Variants in TIAM2 observed in about 807,000 individuals in gnomAD.
TIAM2 encodes TIAM Rac1 associated GEF 2, also known as rho guanine nucleotide exchange factor TIAM2.
Under a neutral mutation model 152.9 loss-of-function variants are expected in TIAM2, and 80 were observed. That is an observed-to-expected ratio of 0.52 (90% CI 0.44 to 0.63). TIAM2 has a LOEUF of 0.63. TIAM2 is among the 30% of genes least tolerant of loss of function. The pLI is 0.00. For missense variants in TIAM2, 1,965 were observed against 2,120.1 expected, an observed-to-expected ratio of 0.93 and a Z score of 1.44; for synonymous variants, 804 against 838.0, an observed-to-expected ratio of 0.96 and a Z score of 0.70.
At position 155,257,193 on chromosome 6, in the gene TIAM2, A is replaced by C. The variant is rs1186958210; in HGVS notation, c.*72A>C. 1.3e-6 allele frequency: 1 copy of C among 790,936 alleles called. No homozygotes were observed. The highest frequency in any genetic ancestry group is 1.3e-4 in the East Asian group (1 of 7,552). The allele number at this position is 790,936 out of a possible 1,614,324, so 49.0% of individuals were successfully genotyped here. A position where few individuals can be genotyped will look rare whatever the true frequency, so the allele number is the denominator to read the frequency against. On this transcript the variant is annotated 3_prime_UTR_variant, in exon 27 of 27. Coordinates refer to ENST00000682666, the MANE Select transcript of TIAM2 (RefSeq NM_012454.4). ...ACTGGTGGTAAAGTGGAAATTGCAA[A>C]AAAAAAAAAAAAAAAAAACTGTTCA...
chr6:155,162,890 A>T (rs551926576), intron 7 of TIAM2, among the ~76,000 whole-genome samples: 1 of 152,348 alleles, frequency 6.6e-6, no homozygotes, highest in East Asian at 1.9e-4. Context: ...TGTTTTGCTG[A>T]CAAATGATGA....
intron 1 of TIAM2, among the ~76,000 whole-genome samples, chr6:155,076,519 AGTAATT>A (rs2114961049): frequency 6.6e-6 from 1 of 152,314 alleles, no homozygotes; most frequent in South Asian, 2.1e-4. Context: ...ATTTAGGCCT[AGTAATT>A]GTAATTTGAT....
rs145629752 is a variant in TIAM2 at position 155,051,392 on chromosome 6, C to T, written c.-208-38897C>T. Among the ~76,000 whole-genome samples the T allele has an allele frequency of 1.3e-3, 195 of 152,296 alleles. 1 individual carries two copies. The highest frequency in any genetic ancestry group is 4.5e-3 in the African/African-American group (187 of 41,548). Reference sequence around the variant, plus strand: ...GCTGGGTGCAGTAGCAGGCCCAATACATTTGTTACTTTGAATCTTTTAAAC... The same window carrying T: ...GCTGGGTGCAGTAGCAGGCCCAATATATTTGTTACTTTGAATCTTTTAAAC... On this transcript the variant is annotated intron_variant, in intron 1 of 26. Transcript: ENST00000682666.
At chr6:155,238,609 T>C (rs1445903465) in intron 15 of TIAM2, among the ~76,000 whole-genome samples, 1 of 152,222 alleles carries the variant, frequency 6.6e-6, no homozygotes, top group Non-Finnish European at 1.5e-5. Flanking sequence ...CTTTGGCACA[T>C]TCTCTGGTTC....
chr6:155,133,505 AT>A (rs1779492139), intron 4 of TIAM2, among the ~76,000 whole-genome samples: 1 of 152,150 alleles, frequency 6.6e-6, no homozygotes, highest in Non-Finnish European at 1.5e-5. Context: ...GGCATAGAAT[AT>A]AGTGTTATTA....
At chr6:155,212,911 C>G (rs986671474) in intron 15 of TIAM2, among the ~76,000 whole-genome samples, 1 of 152,282 alleles carries the variant, frequency 6.6e-6, no homozygotes. Context: ...GGCGCCGGTT[C>G]CCTGTGAAGC....
chr6:155,006,534 C>T (rs1180697515), intron 1 of TIAM2, among the ~76,000 whole-genome samples: 2 of 151,470 alleles, frequency 1.3e-5, no homozygotes, highest in Admixed American at 6.6e-5. Context: ...GGTGTGGTGG[C>T]GCATGCCTGT....
At chr6:155,028,111 T>C (rs1321448328) in intron 1 of TIAM2, among the ~76,000 whole-genome samples, 1 of 111,150 alleles carries the variant, frequency 9.0e-6, no homozygotes, top group African/African-American at 4.0e-5. Flanking sequence ...ATAATATATG[T>C]ACTGTGTTAC....
intron 20 of TIAM2, 65 bp downstream of exon 20, chr6:155,248,244 C>T (rs2274823): frequency 0.27 from 406,589 of 1,532,674 alleles, 60,504 homozygotes; most frequent in East Asian, 0.65. Flanking sequence ...GCCAGCCGTG[C>T]CCTGGGCCTG....
intron 1 of TIAM2, among the ~76,000 whole-genome samples, chr6:155,018,545 G>T (rs868323121): frequency 6.6e-6 from 1 of 150,978 alleles, no homozygotes; most frequent in Non-Finnish European, 1.5e-5. Flanking sequence ...CTTGAACCAG[G>T]GGGGCGGAAC....
In TIAM2 at chr6:155,214,319, C is replaced by T. The variant is rs907436328; in HGVS notation, c.3168+3012C>T. On this transcript the variant is annotated intron_variant, in intron 15 of 26. Transcript: ENST00000682666. The surrounding 1 kb of genome is among the most constrained non-coding windows in gnomAD (Gnocchi z 5.4). ...CCAGGAGCCAGGCACATGGCACATC[C>T]TTTGGAGGAACCATGTGGCATACCT... Among the ~76,000 whole-genome samples the T allele has an allele frequency of 6.6e-6, 1 of 152,210 alleles. No homozygotes were observed. The highest frequency in any genetic ancestry group is 2.4e-5 in the African/African-American group (1 of 41,466).
At chr6:155,064,589 G>C (rs976818983) in intron 1 of TIAM2, among the ~76,000 whole-genome samples, 1 of 152,196 alleles carries the variant, frequency 6.6e-6, no homozygotes, top group Admixed American at 6.5e-5. Flanking sequence ...CTGTGGCAGA[G>C]ACTTGGTTTC....
chr6:155,029,471 CTATAGTATATATACTATAG>C (rs1562295165), intron 1 of TIAM2, among the ~76,000 whole-genome samples: 423 of 12,586 alleles, frequency 0.034, 72 homozygotes, highest in African/African-American at 0.087. Context: ...ATAATATATA[CTATAGTATATATACTATAG>C]TATATATTAT....
chr6:155,046,069 A>G (rs6557391), intron 1 of TIAM2, among the ~76,000 whole-genome samples: 127,752 of 151,298 alleles, frequency 0.84, 54,225 homozygotes, highest in African/African-American at 0.92. Flanking sequence ...CATTGCCTTT[A>G]ACTCCGAGTT....
chr6:155,104,472 A>C (rs1034659417), intron 2 of TIAM2, among the ~76,000 whole-genome samples: 1 of 152,164 alleles, frequency 6.6e-6, no homozygotes, highest in Non-Finnish European at 1.5e-5. Context: ...AAGATTAGAA[A>C]GCATGGCCGG....
chr6:155,148,851 A>G lies in TIAM2; in HGVS notation c.2028+517A>G, dbSNP rs149419693. 3.9e-4 allele frequency among the ~76,000 whole-genome samples: 59 copies of G among 152,346 alleles called. 1 individual carries two copies. The East Asian group carries it at 0.01, about 27-fold the overall frequency. On this transcript the variant is annotated intron_variant, in intron 7 of 26. Coordinates refer to ENST00000682666, the MANE Select transcript of TIAM2 (RefSeq NM_012454.4). ...CTGCGGTTCCATATTCATATAATAAATGGCTGCTTCCTATGGCATTTGCAT... is the reference window on the plus strand; with the variant it reads ...CTGCGGTTCCATATTCATATAATAAGTGGCTGCTTCCTATGGCATTTGCAT...
At chr6:155,071,462 T>G (rs1389667228) in intron 1 of TIAM2, among the ~76,000 whole-genome samples, 1 of 152,232 alleles carries the variant, frequency 6.6e-6, no homozygotes, top group African/African-American at 2.4e-5. Context: ...TTGTTTACTA[T>G]GCCCTGCATC....
rs185709708 is a variant in TIAM2 at position 155,073,929 on chromosome 6, C to G, written c.-208-16360C>G. On this transcript the variant is annotated intron_variant, in intron 1 of 26. Coordinates refer to ENST00000682666, the MANE Select transcript of TIAM2 (RefSeq NM_012454.4). ...TAATCCCCACAAAATCCCTTTGAGG[C>G]TGGTAGGTGGAAAATGCAATGTTCT... Among the ~76,000 whole-genome samples, 66 of 152,218 alleles carry G rather than the reference C, an allele frequency of 4.3e-4. No individual in the cohort carries two copies. In the East Asian group the frequency reaches 0.012, roughly 28 times the overall value.
At chr6:155,094,372 C>G (rs927214018) in intron 2 of TIAM2, among the ~76,000 whole-genome samples, 5 of 151,868 alleles carry the variant, frequency 3.3e-5, no homozygotes, top group African/African-American at 1.2e-4. Flanking sequence ...TTTCAATGTC[C>G]ATAGTAGTAA....
Sources: gnomAD v4.1 joint callset for allele counts (sites outside exome capture counted in the v4.1 genomes callset) on GRCh38, gnomAD v4.1.1 for gene constraint, Gnocchi (gnomAD v3.1) non-coding constraint, MANE v1.5 for transcripts, NCBI Gene and HGNC (gene_info 2026-07-23, HGNC 2026-07-21) for gene names.